The following PRR16 variants were observed in gnomAD, a reference collection of about 807,000 sequenced individuals.
PRR16 encodes the protein proline rich 16.
In PRR16, 6 loss-of-function variants were observed where a neutral mutation model predicts 18.2. That is an observed-to-expected ratio of 0.33 (90% CI 0.18 to 0.65). PRR16 has a LOEUF of 0.65. Among genes scored for constraint, PRR16 ranks in the 30% least tolerant of loss-of-function variants. The probability of loss-of-function intolerance (pLI) is 0.74; values close to 1 mark genes in which losing one functional copy is unlikely to be tolerated. For synonymous variants in PRR16, 151 were observed against 147.8 expected (o/e 1.02, Z -0.16); for missense variants, 412 against 376.6 (o/e 1.09, Z -0.78).
chr5:120,711,347 C>G, the PRR16 span, among the ~76,000 whole-genome samples: 39 of 152,222 alleles, frequency 2.6e-4, no homozygotes, highest in African/African-American at 9.4e-4. Flanking sequence ...ATTATAGACT[C>G]AGTGTAGAGT....
chr5:120,768,556 TA>T, the PRR16 span, among the ~76,000 whole-genome samples: 1 of 151,710 alleles, frequency 6.6e-6, no homozygotes, highest in Non-Finnish European at 1.5e-5. Flanking sequence ...CCTGAATTAA[TA>T]CTCAATAAGT....
At chr5:120,733,184 C>A in the PRR16 span, among the ~76,000 whole-genome samples, 5 of 152,042 alleles carry the variant, frequency 3.3e-5, no homozygotes, top group Non-Finnish European at 7.4e-5. Flanking sequence ...CTTGTTCTGT[C>A]ACCCAGGCTG....
the PRR16 span, among the ~76,000 whole-genome samples, chr5:120,758,978 T>TTC: frequency 2.0e-4 from 28 of 143,216 alleles, 2 homozygotes; most frequent in Admixed American, 1.8e-3. Context: ...TAATTTCTTT[T>TTC]TTTTTTTTTT....
At chr5:120,720,544 AT>A in the PRR16 span, among the ~76,000 whole-genome samples, 2 of 151,820 alleles carry the variant, frequency 1.3e-5, no homozygotes, top group African/African-American at 4.8e-5. Flanking sequence ...ATATCTGCCA[AT>A]TTTTTTCTGG....
At chr5:120,706,618 A>T in the PRR16 span, among the ~76,000 whole-genome samples, 2 of 152,216 alleles carry the variant, frequency 1.3e-5, no homozygotes, top group African/African-American at 4.8e-5. Flanking sequence ...GGTCTGAGAA[A>T]AAGTAACATT....
intron 1 of PRR16, among the ~76,000 whole-genome samples, chr5:120,499,326 G>A (rs1279783523): frequency 1.3e-5 from 2 of 151,894 alleles, no homozygotes; most frequent in African/African-American, 4.8e-5. Context: ...GGTCAGGCTG[G>A]TAATCACTTT....
the PRR16 span, among the ~76,000 whole-genome samples, chr5:120,791,647 T>C: frequency 6.8e-6 from 1 of 147,810 alleles, no homozygotes; most frequent in Non-Finnish European, 1.5e-5. Flanking sequence ...TCTATCTATC[T>C]ATCTATCTAT....
At chr5:120,545,294 A>G (rs149780589) in intron 1 of PRR16, among the ~76,000 whole-genome samples, 13 of 152,238 alleles carry the variant, frequency 8.5e-5, no homozygotes, top group Admixed American at 6.5e-5. Context: ...ATTATACGTG[A>G]CATTATAGAT....
chr5:120,593,002 C>T (rs1403690749), intron 1 of PRR16, among the ~76,000 whole-genome samples: 2 of 151,992 alleles, frequency 1.3e-5, no homozygotes, highest in Admixed American at 1.3e-4. Flanking sequence ...GAATCTCGGT[C>T]ACAGCTAAGG....
intron 1 of PRR16, among the ~76,000 whole-genome samples, chr5:120,578,085 GA>G (rs1753139628): frequency 1.3e-5 from 2 of 152,054 alleles, no homozygotes; most frequent in African/African-American, 2.4e-5. Context: ...AAAAATAACA[GA>G]AAATAGAAAA....
At chr5:120,572,910 G>T (rs1752952194) in intron 1 of PRR16, among the ~76,000 whole-genome samples, 2 of 152,054 alleles carry the variant, frequency 1.3e-5, no homozygotes, top group African/African-American at 4.8e-5. Context: ...GGAATTCATG[G>T]GTGACTTCTA....
At chr5:120,543,447 G>A (rs781546050) in intron 1 of PRR16, among the ~76,000 whole-genome samples, 1 of 152,056 alleles carries the variant, frequency 6.6e-6, no homozygotes, top group Non-Finnish European at 1.5e-5. Context: ...TTAGAAATCA[G>A]TCACTTATTT....
intron 1 of PRR16, among the ~76,000 whole-genome samples, chr5:120,488,874 G>T (rs954327567): frequency 1.3e-5 from 2 of 152,126 alleles, no homozygotes; most frequent in African/African-American, 4.8e-5. Flanking sequence ...TGGTTTCAAA[G>T]AACATCTTTA....
At chr5:120,501,656 T>C (rs1472846384) in intron 1 of PRR16, among the ~76,000 whole-genome samples, 1 of 151,946 alleles carries the variant, frequency 6.6e-6, no homozygotes, top group Non-Finnish European at 1.5e-5. Flanking sequence ...AATGAACACA[T>C]AATGTAGTCC....
At chr5:120,581,114 AT>A (rs1277803631) in intron 1 of PRR16, among the ~76,000 whole-genome samples, 2 of 152,112 alleles carry the variant, frequency 1.3e-5, no homozygotes, top group Non-Finnish European at 2.9e-5. Flanking sequence ...TCCTCTTTGT[AT>A]TTCTGGTAGA....
At chr5:120,517,239 A>T in intron 1 of PRR16, among the ~76,000 whole-genome samples, 1 of 152,276 alleles carries the variant, frequency 6.6e-6, no homozygotes, top group African/African-American at 2.4e-5. Context: ...TTTAATGTTT[A>T]ATTTACTTTA....
the PRR16 span, among the ~76,000 whole-genome samples, chr5:120,785,589 T>TTTTTTTTTTTTTTTTTTTC: frequency 6.9e-6 from 1 of 144,100 alleles, no homozygotes; most frequent in Non-Finnish European, 1.5e-5. Flanking sequence ...TTTTTTTTTT[T>TTTTTTTTTTTTTTTTTTTC]TGAGACAGAG....
At chr5:120,485,668 C>T (rs1035024219) in intron 1 of PRR16, among the ~76,000 whole-genome samples, 1 of 151,878 alleles carries the variant, frequency 6.6e-6, no homozygotes, top group Admixed American at 6.6e-5. Flanking sequence ...TATTATTATA[C>T]TTTAAGTTTT....
intron 1 of PRR16, among the ~76,000 whole-genome samples, chr5:120,491,277 C>G (rs914386527): frequency 1.3e-5 from 2 of 152,020 alleles, no homozygotes; most frequent in African/African-American, 2.4e-5. Flanking sequence ...GAAAATAACT[C>G]GGCCTTGAGA....
Sources: allele counts gnomAD v4.1 joint callset (sites outside exome capture counted in the v4.1 genomes callset), GRCh38; gene constraint gnomAD v4.1.1; transcripts MANE v1.5; gene names NCBI Gene and HGNC (gene_info 2026-07-23, HGNC 2026-07-21).